The following ELP2 variants were observed in gnomAD, a reference collection of about 807,000 sequenced individuals.
ELP2 encodes elongator complex protein 2.
ELP2 carries 90 observed loss-of-function variants against 119.2 expected under a neutral mutation model. The ratio of observed to expected loss-of-function variants is 0.75; its 90% CI spans 0.64 to 0.90. ELP2 has a LOEUF of 0.90. ELP2 is among the 40% of genes least tolerant of loss of function. The pLI is 0.00. For missense variants in ELP2, 921 were observed against 967.8 expected (o/e 0.95, Z 0.64); for synonymous variants, 339 against 331.0 (o/e 1.02, Z -0.26).
intron 3 of ELP2, chr18:36,136,710 A>C: frequency 7.1e-6 from 2 of 283,624 alleles, no homozygotes; most frequent in South Asian, 4.1e-5. Flanking sequence ...CAAATGCTGT[A>C]TCTTTTATAC....
chr18:36,156,762 T>C lies in ELP2; in HGVS notation c.1464+108T>C, dbSNP rs1202106936. ...GAATATATGGGTAGAAAGAAAGTAA[T>C]ATTGTTTCTTAATGTAAGATGTGAC... On this transcript the variant is annotated intron_variant, in intron 13 of 21. Transcript: ENST00000358232. 7 of 1,006,942 alleles carry C rather than the reference T, an allele frequency of 7.0e-6. No individual in the cohort carries two copies. The East Asian group carries it at 1.5e-4, about 22-fold the overall frequency. The allele number at this position is 1,006,942 out of a possible 1,614,324, so 62.4% of individuals were successfully genotyped here. A position where few individuals can be genotyped will look rare whatever the true frequency, so the allele number is the denominator to read the frequency against.
At chr18:36,166,482 T>C (rs1330085060) in intron 18 of ELP2, among the ~76,000 whole-genome samples, 1 of 151,630 alleles carries the variant, frequency 6.6e-6, no homozygotes, top group African/African-American at 2.4e-5. Flanking sequence ...AGGCACCTGC[T>C]ACCACACCTG....
chr18:36,150,816 A>G (rs1460408232), intron 11 of ELP2, among the ~76,000 whole-genome samples: 1 of 152,212 alleles, frequency 6.6e-6, no homozygotes, highest in Non-Finnish European at 1.5e-5. Context: ...GCCCCATGAT[A>G]CAATCAGGTA....
rs1229253149 is a variant in ELP2, at chr18:36,179,584, G to A, written c.*4943G>A. On this transcript the variant is annotated 3_prime_UTR_variant, in exon 22 of 22. Transcript: ENST00000358232. ...CCGAGAAGCTCCTACTGGGGTGGAAGGGACAGCTCCACAAAGGCTGCTCTT... is the reference window on the plus strand; with the variant it reads ...CCGAGAAGCTCCTACTGGGGTGGAAAGGACAGCTCCACAAAGGCTGCTCTT... 3 of 152,202 alleles carry A rather than the reference G, an allele frequency of 2.0e-5. No individual in the cohort carries two copies. Among genetic ancestry groups the A allele is most frequent in the Non-Finnish European group, 4.4e-5 (3 of 68,104 alleles). 9.4% of individuals were successfully genotyped at this position (152,202 alleles called of 1,614,324 possible). A position where few individuals can be genotyped will look rare whatever the true frequency, so the allele number is the denominator to read the frequency against.
intron 17 of ELP2, among the ~76,000 whole-genome samples, chr18:36,164,015 T>A (rs2090819401): frequency 6.6e-6 from 1 of 152,202 alleles, no homozygotes; most frequent in South Asian, 2.1e-4. Context: ...TTTAACAATA[T>A]TGAGTATTTT....
chr18:36,158,615 G>A, intron 13 of ELP2: 1 of 470,278 alleles, frequency 2.1e-6, no homozygotes, highest in South Asian at 2.4e-5. Context: ...TGGAGGCCTG[G>A]TAGGGCTTGT....
intron 2 of ELP2, among the ~76,000 whole-genome samples, chr18:36,133,578 C>T (rs1210285657): frequency 6.6e-6 from 1 of 152,164 alleles, no homozygotes; most frequent in East Asian, 1.9e-4. Context: ...CCCACCTCCC[C>T]AGTTGCCTGT....
At chr18:36,152,892 C>A (rs1363313058) in intron 11 of ELP2, among the ~76,000 whole-genome samples, 1 of 152,238 alleles carries the variant, frequency 6.6e-6, no homozygotes, top group Non-Finnish European at 1.5e-5. Context: ...TAAGATGGAA[C>A]AATTCCTTAG....
chr18:36,141,276 A>G (rs1447871756), intron 6 of ELP2, 75 bp downstream of exon 6: 6 of 1,256,832 alleles, frequency 4.8e-6, no homozygotes, highest in Non-Finnish European at 7.0e-6. Flanking sequence ...TATCCAGATT[A>G]TAGAATTTTA....
chr18:36,149,611 G>C (rs975368568), intron 11 of ELP2, among the ~76,000 whole-genome samples: 9 of 149,704 alleles, frequency 6.0e-5, no homozygotes, highest in African/African-American at 2.2e-4. Context: ...TTTTTTTGAG[G>C]CGATTTGGGG....
In ELP2 at chr18:36,176,139, G is replaced by A. The variant is rs1016019563; in HGVS notation, c.*1498G>A. On this transcript the variant is annotated 3_prime_UTR_variant, in exon 22 of 22. Transcript: ENST00000358232. ...CAACCTATAATCAGTATAAAAACCT[G>A]TTACTGAAATATTTTATAGGGCCCA... is the stretch of plus-strand genomic sequence containing the variant. The A allele has an allele frequency of 1.3e-5, 2 of 152,122 alleles. No homozygotes were observed. Among genetic ancestry groups the A allele is most frequent in the African/African-American group, 4.8e-5 (2 of 41,416 alleles). 9.4% of individuals were successfully genotyped at this position (152,122 alleles called of 1,614,324 possible). A position where few individuals can be genotyped will look rare whatever the true frequency, so the allele number is the denominator to read the frequency against.
intron 5 of ELP2, chr18:36,139,632 T>C: frequency 6.7e-7 from 1 of 1,500,602 alleles, no homozygotes. Flanking sequence ...AGTTTTGTTT[T>C]TATTGTTTTT....
chr18:36,142,631 A>G (rs916264750), intron 7 of ELP2, among the ~76,000 whole-genome samples, 195 bp from the exon 8 acceptor site: 1 of 152,164 alleles, frequency 6.6e-6, no homozygotes, highest in East Asian at 1.9e-4. Context: ...TGTTGTAAAC[A>G]TGTATTAGCA....
In ELP2 at chr18:36,176,961, G is replaced by GT. The variant is rs1421020362; in HGVS notation, c.*2321dup. 6.6e-6 allele frequency: 1 copy of GT among 152,104 alleles called. No homozygotes were observed. Among genetic ancestry groups the GT allele is most frequent in the East Asian group, 1.9e-4 (1 of 5,194 alleles). 9.4% of individuals were successfully genotyped at this position (152,104 alleles called of 1,614,324 possible). A position where few individuals can be genotyped will look rare whatever the true frequency, so the allele number is the denominator to read the frequency against. On this transcript the variant is annotated 3_prime_UTR_variant, in exon 22 of 22. Transcript: ENST00000358232. The stretch of plus-strand genomic sequence containing the variant: ...TCCTGTCTGCCAGGAAAAGTTTTCT[G>GT]TAGTGACGCACGTGTTGTGTGTGTA...
chr18:36,167,212 G>C lies in ELP2; in HGVS notation c.2066G>C (p.Arg689Pro), dbSNP rs554853634. ...AGCAAGTATTTCTTCACTGGGAGTC[G>C]AGACAAAAAGGTAATTATTTAAAAA... is the stretch of plus-strand genomic sequence containing the variant. The part of the protein sequence containing the change: ...PDSKYFFTGS[R>P]DKKVVVWGEC... The change falls in exon 19 of 22, where the codon CGA becomes CCA. Residue 689 changes from arginine to proline, a missense_variant. Transcript: ENST00000358232. 4.1e-5 allele frequency: 65 copies of C among 1,586,922 alleles called. No individual in the cohort carries two copies. The highest frequency in any genetic ancestry group is 5.5e-5 in the Non-Finnish European group (64 of 1,164,902).
rs1300003767 is a variant in ELP2 at position 36,176,927 on chromosome 18, T to C, written c.*2286T>C. 6.6e-6 allele frequency: 1 copy of C among 152,108 alleles called. No homozygotes were observed. Among genetic ancestry groups the C allele is most frequent in the Non-Finnish European group, 1.5e-5 (1 of 68,012 alleles). 9.4% of individuals were successfully genotyped at this position (152,108 alleles called of 1,614,324 possible). ...TTAATTAAAATGACATCACCAACAA[T>C]GGGCCCTTTCCTGTCTGCCAGGAAA... On this transcript the variant is annotated 3_prime_UTR_variant, in exon 22 of 22. Transcript: ENST00000358232.
chr18:36,149,590 TAAAAA>T (rs1316889922), intron 11 of ELP2, among the ~76,000 whole-genome samples: 1 of 144,546 alleles, frequency 6.9e-6, no homozygotes, highest in Admixed American at 7.5e-5. Context: ...AAAAATAAAT[TAAAAA>T]AAAAATTTTT....
At chr18:36,148,695 C>T (rs2090292296) in intron 11 of ELP2, among the ~76,000 whole-genome samples, 1 of 152,108 alleles carries the variant, frequency 6.6e-6, no homozygotes, top group Non-Finnish European at 1.5e-5. Context: ...CCTGTCTGTA[C>T]CAATAATTTT....
intron 2 of ELP2, among the ~76,000 whole-genome samples, chr18:36,133,972 A>G (rs1034650546): frequency 2.3e-5 from 3 of 130,350 alleles, no homozygotes; most frequent in Non-Finnish European, 4.6e-5. Context: ...TGCAGTGGCA[A>G]GATCTCGGCT....
Sources: gnomAD v4.1 joint callset for allele counts (sites outside exome capture counted in the v4.1 genomes callset) on GRCh38, gnomAD v4.1.1 for gene constraint, MANE v1.5 for transcripts, NCBI Gene and HGNC (gene_info 2026-07-23, HGNC 2026-07-21) for gene names.